Variants in TLK2 observed in about 807,000 individuals in gnomAD.
The protein encoded by TLK2 is serine/threonine-protein kinase tousled-like 2.
A neutral mutation model predicts 117.3 loss-of-function variants in TLK2; 6 were observed. The observed-to-expected ratio is 0.05, with a 90% CI of 0.03 to 0.10. The LOEUF is 0.10. Among genes scored for constraint, TLK2 ranks in the 10% least tolerant of loss-of-function variants. TLK2 has a pLI of 1.00. For synonymous variants in TLK2, 257 were observed against 316.7 expected (o/e 0.81, Z 2.00); for missense variants, 299 against 901.2 (o/e 0.33, Z 8.56).
At chr17:62,494,877 G>A (rs370301192) in intron 2 of TLK2, among the ~76,000 whole-genome samples, 5 of 152,210 alleles carry the variant, frequency 3.3e-5, no homozygotes, top group African/African-American at 9.6e-5. Context: ...TAAGATTACT[G>A]TAGATTGGCT....
chr17:62,471,724 G>A (rs2070943035), intron 1 of TLK2, among the ~76,000 whole-genome samples: 1 of 151,910 alleles, frequency 6.6e-6, no homozygotes, highest in African/African-American at 2.4e-5. Flanking sequence ...TAGGTTGCAG[G>A]GTCGCACCTT....
intron 7 of TLK2, among the ~76,000 whole-genome samples, chr17:62,539,350 G>C (rs1187315691): frequency 6.6e-6 from 1 of 152,000 alleles, no homozygotes. Flanking sequence ...TAAGCATACG[G>C]TCTTTCACTC....
At chr17:62,555,944 A>C (rs1358917608) in intron 9 of TLK2, among the ~76,000 whole-genome samples, 1 of 152,044 alleles carries the variant, frequency 6.6e-6, no homozygotes, top group East Asian at 1.9e-4. Context: ...GTGCCACTAC[A>C]TTTGGCTGTT....
chr17:62,524,982 G>T (rs577147208), intron 6 of TLK2, among the ~76,000 whole-genome samples: 1 of 152,298 alleles, frequency 6.6e-6, no homozygotes, highest in Non-Finnish European at 1.5e-5. Flanking sequence ...TCCCTGCAAA[G>T]AAGAATTACC....
chr17:62,560,953 A>G (rs1392883357), intron 10 of TLK2, among the ~76,000 whole-genome samples: 2 of 152,040 alleles, frequency 1.3e-5, no homozygotes, highest in Non-Finnish European at 2.9e-5. Context: ...CGTTAGGTGT[A>G]TCTCCTAATG....
At chr17:62,474,666 C>A (rs1466879762), upstream of TLK2, among the ~76,000 whole-genome samples, 1 of 151,868 alleles carries the variant, frequency 6.6e-6, no homozygotes, top group Non-Finnish European at 1.5e-5. Flanking sequence ...CCTCGGCCTA[C>A]CAAAGTGCTG....
rs559666671 is a variant in TLK2, at chr17:62,588,151, A to G, written c.1460+1925A>G. On this transcript the variant is annotated intron_variant, in intron 16 of 21. Transcript: ENST00000346027. ...CTGTATATGTATAAAATATACGTAT[A>G]CATCTATACATATACATATTTTTAT... is the stretch of plus-strand genomic sequence containing the variant. 1.2e-4 allele frequency among the ~76,000 whole-genome samples: 18 copies of G among 151,934 alleles called. 1 individual carries two copies. The highest frequency in any genetic ancestry group is 3.3e-4 in the Admixed American group (5 of 15,238).
intron 14 of TLK2, among the ~76,000 whole-genome samples, chr17:62,579,801 T>C (rs2081076632): frequency 6.6e-6 from 1 of 152,176 alleles, no homozygotes; most frequent in Non-Finnish European, 1.5e-5. Flanking sequence ...TCTAAAAATC[T>C]CTAATCTACC....
intron 2 of TLK2, among the ~76,000 whole-genome samples, chr17:62,510,263 C>A (rs916542370): frequency 2.0e-5 from 3 of 152,206 alleles, no homozygotes; most frequent in East Asian, 1.9e-4. Context: ...CAGAGCGAGA[C>A]CCTGTCTCAA....
chr17:62,608,113 T>C lies in TLK2; in HGVS notation c.2044T>C (p.Phe682Leu). The change falls in exon 21 of 22, where the codon TTC becomes CTC. Residue 682 changes from phenylalanine to leucine, a missense_variant. Phe to Leu is a conservative substitution (Grantham distance 22). This residue lies in a region of TLK2 where 81 missense variants were observed against 370.9 expected (regional missense o/e 0.22). Coordinates refer to ENST00000346027, the MANE Select transcript of TLK2 (RefSeq NM_006852.6). ...GATTCTTAAAGCTACTGAAGTGCAG[T>C]TCCCGCCAAAGCCAGTAGTAACACC... ...NTILKATEVQFPPKPVVTPEA... is the reference protein window; with the variant it reads ...NTILKATEVQLPPKPVVTPEA... 1 of 1,614,012 alleles carries C rather than the reference T, an allele frequency of 6.2e-7. No individual in the cohort carries two copies.
chr17:62,510,271 CA>C (rs970029382), intron 2 of TLK2, among the ~76,000 whole-genome samples: 5 of 151,850 alleles, frequency 3.3e-5, no homozygotes, highest in African/African-American at 1.2e-4. Flanking sequence ...GACCCTGTCT[CA>C]AAAAAAATTA....
intron 11 of TLK2, 31 bp from the exon 12 acceptor site, chr17:62,573,184 T>G: frequency 1.9e-6 from 3 of 1,586,062 alleles, no homozygotes; most frequent in Non-Finnish European, 2.6e-6. Flanking sequence ...TTTGACTTTC[T>G]TTCTTTGTAC....
chr17:62,532,266 GGCTGTA>G (rs2145759471), intron 6 of TLK2, among the ~76,000 whole-genome samples: 1 of 152,172 alleles, frequency 6.6e-6, no homozygotes, highest in Non-Finnish European at 1.5e-5. Context: ...AAACAGGAAA[GGCTGTA>G]GCCTACATAG....
At chr17:62,539,362 G>C (rs1288140268) in intron 7 of TLK2, among the ~76,000 whole-genome samples, 1 of 151,912 alleles carries the variant, frequency 6.6e-6, no homozygotes, top group Non-Finnish European at 1.5e-5. Flanking sequence ...CTTTCACTCG[G>C]CTTCCACTCT....
intron 11 of TLK2, among the ~76,000 whole-genome samples, chr17:62,566,480 C>T (rs948399584): frequency 1.3e-5 from 2 of 152,080 alleles, no homozygotes. Context: ...ATGATTATTC[C>T]TCATGTGTGT....
rs139602751 is a variant in TLK2, at chr17:62,483,036, A to C, written c.81+1830A>C. Among the ~76,000 whole-genome samples, 796 of 152,346 alleles carry C rather than the reference A, an allele frequency of 5.2e-3. 5 individuals are homozygous for C. Among genetic ancestry groups the C allele is most frequent in the African/African-American group, 0.018 (759 of 41,586 alleles). ...CGTTGTATACTGAAGTTACATTTAC[A>C]AATGTAAACTCTCTGATCTAGGTGA... On this transcript the variant is annotated intron_variant, in intron 2 of 21. Transcript: ENST00000346027.
upstream of TLK2, among the ~76,000 whole-genome samples, chr17:62,475,894 C>T (rs1391662753): frequency 4.6e-5 from 7 of 151,768 alleles, no homozygotes; most frequent in Admixed American, 2.0e-4. Context: ...ACCTCCTGAC[C>T]TCATGATCCA....
At chr17:62,573,804 C>G (rs1383367588) in intron 12 of TLK2, among the ~76,000 whole-genome samples, 1 of 152,124 alleles carries the variant, frequency 6.6e-6, no homozygotes, top group Non-Finnish European at 1.5e-5. Flanking sequence ...GATAAGCCCC[C>G]CAGAAAGCTG....
In TLK2 at chr17:62,482,957, T is replaced by G. The variant is rs998428437; in HGVS notation, c.81+1751T>G. Among the ~76,000 whole-genome samples the G allele has an allele frequency of 9.2e-5, 14 of 152,198 alleles. 1 individual carries two copies. Among genetic ancestry groups the G allele is most frequent in the African/African-American group, 3.4e-4 (14 of 41,454 alleles). On this transcript the variant is annotated intron_variant, in intron 2 of 21. Coordinates refer to ENST00000346027, the MANE Select transcript of TLK2 (RefSeq NM_006852.6). ...ATTTGTTACATATTCTTAATTTCTT[T>G]GGCCACTTAAACAGTTTACTTTTGT...
Sources: gnomAD v4.1 joint callset for allele counts (sites outside exome capture counted in the v4.1 genomes callset) on GRCh38, gnomAD v4.1.1 for gene constraint, gnomAD v4.1.1 regional missense constraint, MANE v1.5 for transcripts, NCBI Gene and HGNC (gene_info 2026-07-23, HGNC 2026-07-21) for gene names.